The following PCNX2 variants were observed in gnomAD, a reference collection of about 807,000 sequenced individuals.
The protein encoded by PCNX2 is pecanex-like protein 2.
Under a neutral mutation model 223.8 loss-of-function variants are expected in PCNX2, and 168 were observed. The observed-to-expected ratio is 0.75, with a 90% CI of 0.66 to 0.85. The LOEUF is 0.85. Among genes scored for constraint, PCNX2 ranks in the 40% least tolerant of loss-of-function variants. The pLI, the probability that PCNX2 is intolerant of heterozygous loss-of-function variation, is 0.00. For missense variants in PCNX2, 2,507 were observed against 2,675.5 expected (o/e 0.94, Z 1.39); for synonymous variants, 1,006 against 1,052.6 (o/e 0.96, Z 0.86).
intron 1 of PCNX2, 22 bp from the exon 2 acceptor site, chr1:233,263,185 G>GAAC (rs1572171769): frequency 6.5e-7 from 1 of 1,548,156 alleles, no homozygotes; most frequent in Non-Finnish European, 8.8e-7. Flanking sequence ...AAAAGACAGA[G>GAAC]AAAAATCATT....
At position 233,261,267 on chromosome 1, in the gene PCNX2, AAATG is replaced by A. The variant is rs771100583; in HGVS notation, c.517+14_517+17del. The A allele has an allele frequency of 4.5e-5, 72 of 1,595,754 alleles. No homozygotes were observed. The South Asian group carries it at 7.3e-4, about 16-fold the overall frequency. The stretch of plus-strand genomic sequence containing the variant: ...TGAGGATAGTGCTGTGATAAAATAT[AAATG>A]ATTAACAGTTTACCTTTGAGATCTT... On this transcript the variant is annotated intron_variant, in intron 4 of 33. Coordinates refer to ENST00000258229, the MANE Select transcript of PCNX2 (RefSeq NM_014801.4).
chr1:233,077,076 C>T (rs956139022), intron 23 of PCNX2, among the ~76,000 whole-genome samples: 1 of 152,284 alleles, frequency 6.6e-6, no homozygotes, highest in Middle Eastern at 3.4e-3. Flanking sequence ...CACAGAGCCA[C>T]ATCTATGACT....
chr1:233,258,211 C>T lies in PCNX2; in HGVS notation c.1651G>A (p.Asp551Asn), dbSNP rs373690588. 4.8e-5 allele frequency: 77 copies of T among 1,613,950 alleles called. 1 individual carries two copies. In the African/African-American group the frequency reaches 5.6e-4, roughly 12 times the overall value. The change falls in exon 5 of 34, where the codon GAT becomes AAT. Residue 551 changes from aspartate to asparagine, a missense_variant. By Grantham distance (23) the Asp-to-Asn change is conservative. Coordinates refer to ENST00000258229, the MANE Select transcript of PCNX2 (RefSeq NM_014801.4). ...LSKSSAEIVN[D>N]TEKTMPTSKS... The stretch of plus-strand genomic sequence containing the variant: ...GAAGTTGGCATTGTTTTCTCTGTAT[C>T]GTTAACAATTTCTGCAGAACTTTTA...
chr1:233,262,283 A>T, intron 2 of PCNX2, 118 bp from the exon 3 acceptor site: 1 of 1,280,494 alleles, frequency 7.8e-7, no homozygotes. Context: ...TATTCCTTAC[A>T]TATAAATCTT....
chr1:233,214,724 G>A (rs1682019608), intron 12 of PCNX2, among the ~76,000 whole-genome samples: 3 of 152,090 alleles, frequency 2.0e-5, no homozygotes, highest in Non-Finnish European at 4.4e-5. Context: ...AAATTGCAAA[G>A]TTTCAGTTAG....
chr1:233,327,129 G>C, the PCNX2 span, among the ~76,000 whole-genome samples: 1 of 151,828 alleles, frequency 6.6e-6, no homozygotes, highest in Non-Finnish European at 1.5e-5. Context: ...CACTCTCCCT[G>C]AACTGCAACT....
chr1:233,260,292 GT>G (rs1389783098), intron 4 of PCNX2, among the ~76,000 whole-genome samples: 1 of 152,086 alleles, frequency 6.6e-6, no homozygotes, highest in Non-Finnish European at 1.5e-5. Flanking sequence ...CTTAGTACAA[GT>G]AAAAAATAGA....
At chr1:233,310,394 A>G in the PCNX2 span, among the ~76,000 whole-genome samples, 1 of 152,172 alleles carries the variant, frequency 6.6e-6, no homozygotes, top group Non-Finnish European at 1.5e-5. Context: ...AAATATACAG[A>G]CCCAAATAAT....
rs139664589 is a variant in PCNX2 at position 232,997,102 on chromosome 1, G to A, written c.5791+1149C>T. ...ACCCCTTTTCCTTATCCCCTGCCCC[G>A]CCTTTTTCCCCTATTGCCCATTCTT... On this transcript the variant is annotated intron_variant, in intron 32 of 33. Transcript: ENST00000258229. 2.0e-3 allele frequency among the ~76,000 whole-genome samples: 302 copies of A among 152,072 alleles called. 2 individuals carry two copies. Among genetic ancestry groups the A allele is most frequent in the African/African-American group, 6.7e-3 (276 of 41,468 alleles).
At chr1:233,269,181 T>C (rs751708) in intron 1 of PCNX2, among the ~76,000 whole-genome samples, 3,825 of 152,316 alleles carry the variant, frequency 0.025, 161 homozygotes, top group African/African-American at 0.086. Flanking sequence ...GTGTTATCTA[T>C]GGGGACACCA....
intron 19 of PCNX2, among the ~76,000 whole-genome samples, chr1:233,154,158 A>T (rs1677977713): frequency 6.6e-6 from 1 of 151,908 alleles, no homozygotes; most frequent in African/African-American, 2.4e-5. Flanking sequence ...GGCTCACTGC[A>T]ACCTCTGCTT....
chr1:233,291,866 G>A (rs1251715076), intron 1 of PCNX2: 1 of 984,760 alleles, frequency 1.0e-6, no homozygotes, highest in East Asian at 1.1e-4. Flanking sequence ...CTGTGTATTT[G>A]ACATGAGGCT....
chr1:233,260,672 T>G (rs1659997551), intron 4 of PCNX2, among the ~76,000 whole-genome samples: 1 of 152,170 alleles, frequency 6.6e-6, no homozygotes, highest in African/African-American at 2.4e-5. Flanking sequence ...AACTTTACAT[T>G]ATTTTCAAAA....
intron 17 of PCNX2, among the ~76,000 whole-genome samples, chr1:233,171,844 T>C (rs1679170397): frequency 6.6e-6 from 1 of 152,182 alleles, no homozygotes; most frequent in Non-Finnish European, 1.5e-5. Context: ...ACTCTATCCT[T>C]CAAGTCATTT....
At chr1:233,080,317 C>G (rs1015292352) in intron 23 of PCNX2, among the ~76,000 whole-genome samples, 3 of 152,034 alleles carry the variant, frequency 2.0e-5, no homozygotes, top group African/African-American at 7.2e-5. Context: ...CCAGTACCTG[C>G]TGTCTCCCCA....
chr1:233,162,931 G>A (rs2102825727), intron 17 of PCNX2, among the ~76,000 whole-genome samples: 1 of 152,290 alleles, frequency 6.6e-6, no homozygotes, highest in East Asian at 1.9e-4. Flanking sequence ...TGGGGAGGAA[G>A]GAAGGCTGCA....
rs1156848933 is a variant in PCNX2 at position 233,227,269 on chromosome 1, T to C, written c.2461A>G (p.Lys821Glu). 1.2e-6 allele frequency: 2 copies of C among 1,613,454 alleles called. No homozygotes were observed. The highest frequency in any genetic ancestry group is 2.2e-5 in the East Asian group (1 of 44,848). The change falls in exon 10 of 34, where the codon AAA (lysine) becomes GAA (glutamate). Residue 821 changes from lysine (K) to glutamate (E), a missense_variant. By Grantham distance (56) the Lys-to-Glu change is moderately conservative. Transcript: ENST00000258229. ...KFIIFPGKWI[K>E]VWYDRLTLLA... Reference sequence around the variant, plus strand: ...AAGGTCAGTCGATCATACCAGACTTTAATCCACTTGCCAGGGAAAATGATA... The same window carrying C: ...AAGGTCAGTCGATCATACCAGACTTCAATCCACTTGCCAGGGAAAATGATA...
chr1:233,306,989 A>C, the PCNX2 span, among the ~76,000 whole-genome samples: 1 of 152,230 alleles, frequency 6.6e-6, no homozygotes, highest in Non-Finnish European at 1.5e-5. Flanking sequence ...GATATATATT[A>C]TGGTAAAGTT....
At chr1:233,132,328 C>T (rs918056583) in intron 21 of PCNX2, among the ~76,000 whole-genome samples, 6 of 152,230 alleles carry the variant, frequency 3.9e-5, no homozygotes, top group Admixed American at 3.9e-4. Flanking sequence ...GTGTCTGCAC[C>T]GACTAGAAGG....
Sources: gnomAD v4.1 joint callset for allele counts (sites outside exome capture counted in the v4.1 genomes callset) on GRCh38, gnomAD v4.1.1 for gene constraint, MANE v1.5 for transcripts, NCBI Gene and HGNC (gene_info 2026-07-23, HGNC 2026-07-21) for gene names.